The following NRG1 variants were observed in gnomAD, a reference collection of about 807,000 sequenced individuals.
NRG1 encodes neuregulin 1, also known as pro-neuregulin-1, membrane-bound isoform.
A neutral mutation model predicts 63.8 loss-of-function variants in NRG1; 18 were observed. That is an observed-to-expected ratio of 0.28 (90% CI 0.19 to 0.42). The LOEUF is 0.42. Ranked by LOEUF, NRG1 falls within the 10% of genes least tolerant of loss-of-function variation. NRG1 has a pLI of 1.00. For synonymous variants in NRG1, 302 were observed against 301.3 expected (o/e 1.00, Z -0.02); for missense variants, 762 against 814.7 (o/e 0.94, Z 0.79).
intron 5 of NRG1, among the ~76,000 whole-genome samples, chr8:32,695,978 C>T (rs1308693090): frequency 1.3e-5 from 2 of 152,150 alleles, no homozygotes; most frequent in African/African-American, 4.8e-5. Flanking sequence ...TGAAAGCGAC[C>T]ACAAAATTAG....
At chr8:32,190,977 G>A (rs928358852) in intron 1 of NRG1, among the ~76,000 whole-genome samples, 2 of 152,156 alleles carry the variant, frequency 1.3e-5, no homozygotes, top group African/African-American at 4.8e-5. Flanking sequence ...CTGGATAGTA[G>A]ACAAACATCC....
At chr8:32,662,579 G>A (rs989508272) in intron 5 of NRG1, among the ~76,000 whole-genome samples, 38 of 152,136 alleles carry the variant, frequency 2.5e-4, no homozygotes, top group Admixed American at 2.2e-3. Flanking sequence ...CCAAGATCCC[G>A]GTGGAAATAG....
rs186230363 is a variant in NRG1, at chr8:32,252,781, T to A, written c.38-343047T>A. ...ATAGCATTGAATCTATAAATTACTTTGGGCAGTATGGCCATTTTCATGATA... is the reference window on the plus strand; with the variant it reads ...ATAGCATTGAATCTATAAATTACTTAGGGCAGTATGGCCATTTTCATGATA... On this transcript the variant is annotated intron_variant, in intron 1 of 10. Transcript: ENST00000519301. Among the ~76,000 whole-genome samples the A allele has an allele frequency of 8.5e-5, 13 of 152,368 alleles. No homozygotes were observed. The East Asian group carries it at 1.4e-3, about 16-fold the overall frequency.
chr8:31,927,593 C>T lies in NRG1; in HGVS notation c.37+288162C>T, dbSNP rs372500180. On this transcript the variant is annotated intron_variant, in intron 1 of 10. Coordinates refer to the NRG1 transcript ENST00000519301. The stretch of plus-strand genomic sequence containing the variant: ...CCTCCCAAGTAGCTGGGACTACAGG[C>T]GCCCGCCACTACGCCCGGCTAATTT... Among the ~76,000 whole-genome samples the T allele has an allele frequency of 6.7e-5, 10 of 148,800 alleles. No homozygotes were observed. The East Asian group carries it at 9.8e-4, about 15-fold the overall frequency.
intron 1 of NRG1, among the ~76,000 whole-genome samples, chr8:32,288,894 G>T (rs1240698434): frequency 6.6e-6 from 1 of 152,052 alleles, no homozygotes; most frequent in Non-Finnish European, 1.5e-5. Flanking sequence ...CTCAGAAAGA[G>T]GGAAAGATCA....
At chr8:32,141,065 A>T (rs1434380662) in intron 1 of NRG1, among the ~76,000 whole-genome samples, 1 of 152,034 alleles carries the variant, frequency 6.6e-6, no homozygotes, top group Admixed American at 6.6e-5. Context: ...AAATCTTATT[A>T]GTATCCTAAA....
chr8:32,038,244 C>T (rs746620367), intron 1 of NRG1, among the ~76,000 whole-genome samples: 4 of 152,102 alleles, frequency 2.6e-5, no homozygotes, highest in Admixed American at 1.3e-4. Flanking sequence ...CACCTTTTGC[C>T]GCACGCAGGC....
intron 1 of NRG1, among the ~76,000 whole-genome samples, chr8:32,471,609 C>T (rs953888527): frequency 6.6e-6 from 1 of 152,028 alleles, no homozygotes; most frequent in East Asian, 1.9e-4. Flanking sequence ...TTAAACAAAG[C>T]CTTACGTATT....
chr8:32,494,023 A>G (rs1793653937), intron 1 of NRG1, among the ~76,000 whole-genome samples: 1 of 152,216 alleles, frequency 6.6e-6, no homozygotes, highest in Admixed American at 6.5e-5. Context: ...CTCACTTGGT[A>G]ATAGTTTTTC....
chr8:32,513,994 T>C (rs1328772178), intron 1 of NRG1, among the ~76,000 whole-genome samples: 5 of 152,192 alleles, frequency 3.3e-5, no homozygotes, highest in Non-Finnish European at 7.3e-5. Context: ...GTTGTTGTAC[T>C]GATTAGCAAT....
chr8:32,277,839 A>G (rs1852271639), intron 1 of NRG1, among the ~76,000 whole-genome samples: 1 of 152,120 alleles, frequency 6.6e-6, no homozygotes, highest in Non-Finnish European at 1.5e-5. Context: ...CCTTCTGGTG[A>G]CCACAAGGCC....
downstream of NRG1, among the ~76,000 whole-genome samples, chr8:32,770,089 A>C (rs1244889046): frequency 6.6e-6 from 1 of 152,176 alleles, no homozygotes; most frequent in Non-Finnish European, 1.5e-5. Flanking sequence ...TTATTGGAAC[A>C]GAATTGGAAA....
chr8:32,094,820 C>A (rs987100303), intron 1 of NRG1, among the ~76,000 whole-genome samples: 8 of 143,810 alleles, frequency 5.6e-5, no homozygotes, highest in African/African-American at 1.9e-4. Flanking sequence ...CTGGCACCAA[C>A]CCAAACCACA....
chr8:31,862,001 C>A (rs1178347504), intron 1 of NRG1, among the ~76,000 whole-genome samples: 1 of 152,062 alleles, frequency 6.6e-6, no homozygotes, highest in Non-Finnish European at 1.5e-5. Flanking sequence ...TGAGTAGAGT[C>A]CATGTGATCA....
At chr8:32,337,679 A>AAAAAAAAAAAAAAAAAAAAAAAAAAAG (rs1803479177) in intron 1 of NRG1, among the ~76,000 whole-genome samples, 1 of 111,502 alleles carries the variant, frequency 9.0e-6, no homozygotes, top group Non-Finnish European at 1.9e-5. Flanking sequence ...AAAAAAAAAA[A>AAAAAAAAAAAAAAAAAAAAAAAAAAAG]AAAGCTGATG....
intron 1 of NRG1, among the ~76,000 whole-genome samples, chr8:32,104,060 C>G (rs1390076056): frequency 2.0e-5 from 3 of 152,154 alleles, no homozygotes; most frequent in Non-Finnish European, 2.9e-5. Context: ...GACAGGGATA[C>G]TTTGATAAAT....
intron 1 of NRG1, among the ~76,000 whole-genome samples, chr8:32,070,589 C>T (rs964713592): frequency 6.6e-6 from 1 of 152,052 alleles, no homozygotes; most frequent in African/African-American, 2.4e-5. Context: ...TCATAGCCAC[C>T]TTATCAAAAA....
chr8:32,234,802 T>C (rs1382222224), intron 1 of NRG1, among the ~76,000 whole-genome samples: 1 of 152,132 alleles, frequency 6.6e-6, no homozygotes, highest in East Asian at 1.9e-4. Context: ...ACTGTGTGCT[T>C]TGATATTATA....
chr8:32,725,078 ATG>A (rs1821733730), intron 5 of NRG1, among the ~76,000 whole-genome samples: 2 of 152,116 alleles, frequency 1.3e-5, no homozygotes, highest in Non-Finnish European at 2.9e-5. Context: ...AGATGTGTCT[ATG>A]TGTTGCTTAT....
Sources: allele counts gnomAD v4.1 joint callset (sites outside exome capture counted in the v4.1 genomes callset), GRCh38; gene constraint gnomAD v4.1.1; transcripts MANE v1.5; gene names NCBI Gene and HGNC (gene_info 2026-07-23, HGNC 2026-07-21).